The following CNTNAP3B variants were observed in gnomAD, a reference collection of about 807,000 sequenced individuals.
The protein encoded by CNTNAP3B is contactin associated protein family member 3B.
A neutral mutation model predicts 108.9 loss-of-function variants in CNTNAP3B; 25 were observed. That is an observed-to-expected ratio of 0.23 (90% confidence interval 0.17 to 0.32). The LOEUF is 0.32. Among genes scored for constraint, CNTNAP3B ranks in the 10% least tolerant of loss-of-function variants. The pLI is 1.00. For synonymous variants in CNTNAP3B, 103 were observed against 473.4 expected, an observed-to-expected ratio of 0.22 and a Z score of 10.16; for missense variants, 252 against 1,210.4, an observed-to-expected ratio of 0.21 and a Z score of 11.75.
intron 13 of CNTNAP3B, among the ~76,000 whole-genome samples, chr9:41,947,667 G>A (rs1354764024): frequency 5.9e-4 from 89 of 151,882 alleles, no homozygotes; most frequent in African/African-American, 2.0e-3. Flanking sequence ...GCTGAAGGAA[G>A]GAGATAACAA....
At chr9:41,942,167 C>T (rs1363501820) in intron 13 of CNTNAP3B, among the ~76,000 whole-genome samples, 7 of 152,274 alleles carry the variant, frequency 4.6e-5, no homozygotes, top group Admixed American at 4.6e-4. Context: ...AAAGACTGAC[C>T]TAATCCTAAG....
chr9:42,042,969 T>C (rs1217238193), intron 3 of CNTNAP3B, among the ~76,000 whole-genome samples: 4 of 149,342 alleles, frequency 2.7e-5, no homozygotes, highest in East Asian at 3.9e-4. Context: ...GAAAATGGGA[T>C]TATATTCTCA....
intron 15 of CNTNAP3B, among the ~76,000 whole-genome samples, chr9:41,928,529 A>G (rs1823882174): frequency 1.3e-5 from 2 of 152,314 alleles, no homozygotes; most frequent in East Asian, 1.9e-4. Context: ...ACTGCTTGGT[A>G]TTAGGGGATG....
At chr9:41,930,812 G>A (rs1823955590) in intron 14 of CNTNAP3B, among the ~76,000 whole-genome samples, 1 of 152,080 alleles carries the variant, frequency 6.6e-6, no homozygotes, top group Admixed American at 6.5e-5. Flanking sequence ...TTTGTCTCTG[G>A]CCAAAATAAA....
At chr9:41,932,516 T>TTTTTC (rs1824008358) in intron 14 of CNTNAP3B, among the ~76,000 whole-genome samples, 2 of 138,176 alleles carry the variant, frequency 1.4e-5, no homozygotes, top group Non-Finnish European at 3.2e-5. Flanking sequence ...AACTTTTTTT[T>TTTTTC]CTTCTTTTTT....
At position 41,933,423 on chromosome 9, in the gene CNTNAP3B, A is replaced by G. The variant is rs1446443352; in HGVS notation, c.2238-3979T>C. On this transcript the variant is annotated intron_variant, in intron 14 of 23. Transcript: ENST00000377561. ...ACTGAGTCATACTATCCACGACAGTAGTGAGTCAATCCATTTATTTGGCTG... is the reference window on the plus strand; with the variant it reads ...ACTGAGTCATACTATCCACGACAGTGGTGAGTCAATCCATTTATTTGGCTG... 1.4e-4 allele frequency among the ~76,000 whole-genome samples: 22 copies of G among 151,966 alleles called. No homozygotes were observed. In the East Asian group the frequency reaches 4.1e-3, roughly 28 times the overall value.
intron 1 of CNTNAP3B, among the ~76,000 whole-genome samples, chr9:42,125,115 T>C (rs1408268344): frequency 1.5e-5 from 2 of 134,768 alleles, no homozygotes; most frequent in Admixed American, 7.4e-5. Context: ...TGTTCTCCTA[T>C]ATAACCATAA....
At chr9:41,977,648 C>A (rs1825545275) in intron 9 of CNTNAP3B, among the ~76,000 whole-genome samples, 1 of 128,744 alleles carries the variant, frequency 7.8e-6, no homozygotes, top group South Asian at 2.6e-4. Context: ...GACGGCGTCT[C>A]ACTCTGTCAC....
At chr9:41,942,293 G>T (rs1218293676) in intron 13 of CNTNAP3B, among the ~76,000 whole-genome samples, 1 of 152,262 alleles carries the variant, frequency 6.6e-6, no homozygotes, top group Non-Finnish European at 1.5e-5. Flanking sequence ...GGCTAACATG[G>T]TGAAACCCCA....
chr9:41,955,407 A>C (rs1319683351), intron 12 of CNTNAP3B, among the ~76,000 whole-genome samples: 1 of 152,302 alleles, frequency 6.6e-6, no homozygotes, highest in Non-Finnish European at 1.5e-5. Context: ...CAGTAGTAAA[A>C]GACCCAAAGA....
chr9:42,096,914 T>C (rs1827912802), intron 2 of CNTNAP3B, among the ~76,000 whole-genome samples: 1 of 127,848 alleles, frequency 7.8e-6, no homozygotes, highest in African/African-American at 3.2e-5. Flanking sequence ...AACAGTGGCA[T>C]GAAACTTTTT....
intron 15 of CNTNAP3B, among the ~76,000 whole-genome samples, chr9:41,928,249 C>G (rs1360371970): frequency 6.6e-6 from 1 of 152,220 alleles, no homozygotes; most frequent in Non-Finnish European, 1.5e-5. Context: ...GCTCACAGCA[C>G]AGCATGCAGC....
At chr9:41,913,453 TTGG>T (rs2117896576) in intron 18 of CNTNAP3B, among the ~76,000 whole-genome samples, 1 of 151,662 alleles carries the variant, frequency 6.6e-6, no homozygotes, top group Non-Finnish European at 1.5e-5. Context: ...TTATTTTGTG[TTGG>T]TGGATATTTT....
intron 13 of CNTNAP3B, among the ~76,000 whole-genome samples, chr9:41,942,979 C>T (rs1587128495): frequency 6.6e-6 from 1 of 152,236 alleles, no homozygotes; most frequent in Non-Finnish European, 1.5e-5. Context: ...TATGCTAAAG[C>T]CAAACAATAC....
At chr9:42,066,340 C>T (rs1241078874) in intron 3 of CNTNAP3B, among the ~76,000 whole-genome samples, 1 of 120,578 alleles carries the variant, frequency 8.3e-6, no homozygotes, top group African/African-American at 3.4e-5. Flanking sequence ...TTCATTTTAA[C>T]TGATAACTTA....
At chr9:42,054,871 C>A (rs1414600841) in intron 3 of CNTNAP3B, among the ~76,000 whole-genome samples, 22 of 149,242 alleles carry the variant, frequency 1.5e-4, no homozygotes, top group Non-Finnish European at 2.8e-4. Flanking sequence ...TACCAAATGA[C>A]CTCCCTAGCT....
chr9:41,947,997 A>G (rs1824573317), intron 13 of CNTNAP3B, among the ~76,000 whole-genome samples: 1 of 148,026 alleles, frequency 6.8e-6, no homozygotes, highest in Non-Finnish European at 1.5e-5. Context: ...AGTAATTGTA[A>G]TTATTAAGAA....
At position 41,993,524 on chromosome 9, in the gene CNTNAP3B, G is replaced by A. The variant is rs1379399628; in HGVS notation, c.1072-1653C>T. 3.6e-4 allele frequency: 39 copies of A among 109,132 alleles called. 11 individuals carry two copies. Among genetic ancestry groups the A allele is most frequent in the African/African-American group, 1.2e-3 (34 of 27,818 alleles). 6.8% of individuals were successfully genotyped at this position (109,132 alleles called of 1,614,324 possible). On this transcript the variant is annotated intron_variant, in intron 7 of 23. Transcript: ENST00000377561. ...TAAAAAAGAAAACATTTGCTGTAAC[G>A]AACTAAATACCAAAAGCTTACAACT... is the stretch of plus-strand genomic sequence containing the variant.
chr9:42,121,312 TTA>T (rs1340865008), intron 1 of CNTNAP3B, among the ~76,000 whole-genome samples: 2 of 139,568 alleles, frequency 1.4e-5, no homozygotes, highest in Admixed American at 1.4e-4. Flanking sequence ...CTTCCCTCTT[TTA>T]TGAGCTCACT....
Sources: gnomAD v4.1 joint callset for allele counts (sites outside exome capture counted in the v4.1 genomes callset) on GRCh38, gnomAD v4.1.1 for gene constraint, MANE v1.5 for transcripts, NCBI Gene and HGNC (gene_info 2026-07-23, HGNC 2026-07-21) for gene names.